MAP3K8: variants seen among roughly 807,000 people sequenced by gnomAD.
MAP3K8 encodes the protein mitogen-activated protein kinase kinase kinase 8, also known as Ewing sarcoma transformant.
Under a neutral mutation model 45.8 loss-of-function variants are expected in MAP3K8, and 22 were observed. That is an observed-to-expected ratio of 0.48 (90% CI 0.34 to 0.69). The LOEUF is 0.69. Ranked by LOEUF, MAP3K8 falls within the 30% of genes least tolerant of loss-of-function variation. The pLI, the probability that MAP3K8 is intolerant of heterozygous loss-of-function variation, is 0.01. For synonymous variants in MAP3K8, 223 were observed against 214.3 expected (o/e 1.04, Z -0.36); for missense variants, 419 against 585.0 (o/e 0.72, Z 2.93).
chr10:30,448,514 C>A (rs961840965), intron 4 of MAP3K8, among the ~76,000 whole-genome samples: 10 of 151,552 alleles, frequency 6.6e-5, no homozygotes, highest in Non-Finnish European at 1.2e-4. Flanking sequence ...CTCACTGCAA[C>A]CTCTACCTCC....
At chr10:30,451,594 G>T (rs1408267915) in intron 5 of MAP3K8, 44 bp from the exon 6 acceptor site, 3 of 1,045,026 alleles carry the variant, frequency 2.9e-6, no homozygotes, top group Non-Finnish European at 4.3e-6. Context: ...TGACTTATGG[G>T]TATATAAAAA....
chr10:30,436,560 T>C (rs1242541106), intron 1 of MAP3K8, among the ~76,000 whole-genome samples: 1 of 152,090 alleles, frequency 6.6e-6, no homozygotes, highest in East Asian at 1.9e-4. Flanking sequence ...CCTGAGACTT[T>C]TCTGCAGGGT....
chr10:30,446,750 AT>A (rs1307897020), intron 3 of MAP3K8, among the ~76,000 whole-genome samples: 4 of 151,978 alleles, frequency 2.6e-5, no homozygotes, highest in Non-Finnish European at 4.4e-5. Context: ...TTCTCTTCTA[AT>A]TTTTTCCTCT....
chr10:30,437,925 C>T lies in MAP3K8; in HGVS notation c.-24+519C>T, dbSNP rs115796986. On this transcript the variant is annotated intron_variant, in intron 2 of 8. Coordinates refer to ENST00000263056, the MANE Select transcript of MAP3K8 (RefSeq NM_005204.4). Reference sequence around the variant, plus strand: ...TCTTAGATCTCTTAGGGCCTTTTGTCTTTTCTCCTTCAGAACAGAGTTGTT... The same window carrying T: ...TCTTAGATCTCTTAGGGCCTTTTGTTTTTTCTCCTTCAGAACAGAGTTGTT... 5.4e-3 allele frequency among the ~76,000 whole-genome samples: 825 copies of T among 152,306 alleles called. 3 individuals are homozygous for T. Among genetic ancestry groups the T allele is most frequent in the African/African-American group, 0.015 (613 of 41,562 alleles).
At chr10:30,453,907 G>A (rs1564371883) in intron 6 of MAP3K8, among the ~76,000 whole-genome samples, 1 of 100,714 alleles carries the variant, frequency 9.9e-6, no homozygotes, top group African/African-American at 3.0e-5. Flanking sequence ...AGGGAGGGAG[G>A]GAGAGAGAGA....
intron 6 of MAP3K8, among the ~76,000 whole-genome samples, chr10:30,453,315 A>G (rs533502573): frequency 6.6e-6 from 1 of 152,290 alleles, no homozygotes; most frequent in African/African-American, 2.4e-5. Flanking sequence ...AGTCTTAACT[A>G]TGGTCATTAA....
chr10:30,434,529 G>C, intron 1 of MAP3K8, 151 bp downstream of exon 1: 1 of 985,768 alleles, frequency 1.0e-6, no homozygotes, highest in Non-Finnish European at 1.2e-6. Flanking sequence ...AGCTGCGCTC[G>C]CGGGTCGCCG....
chr10:30,441,485 A>G (rs576641981), intron 3 of MAP3K8, among the ~76,000 whole-genome samples: 1 of 152,328 alleles, frequency 6.6e-6, no homozygotes, highest in East Asian at 1.9e-4. Context: ...AAACAAATAC[A>G]TAAGTAAAGG....
chr10:30,447,641 G>T, intron 3 of MAP3K8, 141 bp from the exon 4 acceptor site: 2 of 709,330 alleles, frequency 2.8e-6, no homozygotes, highest in Non-Finnish European at 5.0e-6. Context: ...CTGTACAGTT[G>T]GTAGGATTAA....
At chr10:30,459,568 A>G in intron 8 of MAP3K8, 67 bp downstream of exon 8, 3 of 1,567,630 alleles carry the variant, frequency 1.9e-6, no homozygotes, top group Non-Finnish European at 2.6e-6. Context: ...CAAACCTCTG[A>G]TGTAGTTCAT....
chr10:30,455,573 T>C (rs1170383164), intron 6 of MAP3K8, among the ~76,000 whole-genome samples: 1 of 152,224 alleles, frequency 6.6e-6, no homozygotes, highest in Non-Finnish European at 1.5e-5. Flanking sequence ...ACATAGTGAA[T>C]GCGAATAACA....
At chr10:30,440,774 C>T (rs8177052) in intron 3 of MAP3K8, among the ~76,000 whole-genome samples, 156 of 151,622 alleles carry the variant, frequency 1.0e-3, no homozygotes, top group African/African-American at 3.5e-3. Context: ...TCATTTTTAA[C>T]GTATTTATTT....
intron 3 of MAP3K8, among the ~76,000 whole-genome samples, chr10:30,447,201 T>G (rs953598422): frequency 1.3e-5 from 2 of 152,226 alleles, no homozygotes; most frequent in African/African-American, 4.8e-5. Flanking sequence ...TTGCAAGCAA[T>G]AGATAACAAT....
intron 3 of MAP3K8, among the ~76,000 whole-genome samples, chr10:30,441,494 G>T (rs1206335500): frequency 6.6e-6 from 1 of 152,028 alleles, no homozygotes; most frequent in African/African-American, 2.4e-5. Context: ...CATAAGTAAA[G>T]GCAGGGATCT....
At chr10:30,455,627 T>G (rs867802762) in intron 6 of MAP3K8, among the ~76,000 whole-genome samples, 11 of 152,228 alleles carry the variant, frequency 7.2e-5, no homozygotes, top group Admixed American at 5.2e-4. Flanking sequence ...GAAAAATCCT[T>G]CTAAGTCTGC....
chr10:30,455,704 T>G (rs1379188651), intron 6 of MAP3K8, among the ~76,000 whole-genome samples: 1 of 152,186 alleles, frequency 6.6e-6, no homozygotes, highest in Non-Finnish European at 1.5e-5. Context: ...CACGGTCTCT[T>G]TCCCTTTCTA....
At chr10:30,451,603 A>G in intron 5 of MAP3K8, 35 bp from the exon 6 acceptor site, 1 of 1,304,376 alleles carries the variant, frequency 7.7e-7, no homozygotes, top group Non-Finnish European at 1.1e-6. Context: ...GGTATATAAA[A>G]AATTTTATCT....
At chr10:30,444,902 T>C (rs890373995) in intron 3 of MAP3K8, among the ~76,000 whole-genome samples, 1 of 152,210 alleles carries the variant, frequency 6.6e-6, no homozygotes, top group African/African-American at 2.4e-5. Flanking sequence ...ATGCCAGCAC[T>C]AACTAGCATG....
intron 3 of MAP3K8, among the ~76,000 whole-genome samples, chr10:30,444,008 T>C (rs902229707): frequency 1.3e-5 from 2 of 150,214 alleles, no homozygotes; most frequent in East Asian, 4.0e-4. Context: ...GGCAACATAG[T>C]GAGACCCCCA....
Sources: allele counts gnomAD v4.1 joint callset (sites outside exome capture counted in the v4.1 genomes callset), GRCh38; gene constraint gnomAD v4.1.1; transcripts MANE v1.5; gene names NCBI Gene and HGNC (gene_info 2026-07-23, HGNC 2026-07-21).